Variants in KIT observed in about 807,000 individuals in gnomAD.
KIT encodes the protein mast/stem cell growth factor receptor Kit.
KIT carries 16 observed loss-of-function variants against 105.7 expected under a neutral mutation model. The observed-to-expected ratio is 0.15, with a 90% CI of 0.10 to 0.23. The LOEUF (loss-of-function observed/expected upper bound fraction) is 0.23. KIT is among the 10% of genes least tolerant of loss of function. The pLI, the probability that KIT is intolerant of heterozygous loss-of-function variation, is 1.00. For synonymous variants in KIT, 438 were observed against 441.1 expected (o/e 0.99, Z 0.09); for missense variants, 858 against 1,213.8 (o/e 0.71, Z 4.36).
intron 1 of KIT, among the ~76,000 whole-genome samples, chr4:54,659,527 A>G (rs1717086315): frequency 6.6e-6 from 1 of 152,062 alleles, no homozygotes; most frequent in African/African-American, 2.4e-5. Context: ...TTTCTCTATA[A>G]AGTCTCCAGG....
chr4:54,739,350 A>ACT lies in KIT; in HGVS notation c.*793_*794insCT, dbSNP rs1723117890. 4.3e-6 allele frequency: 1 copy of ACT among 234,650 alleles called. No individual in the cohort carries two copies. The allele number at this position is 234,650 out of a possible 1,614,324, so 14.5% of individuals were successfully genotyped here. A position where few individuals can be genotyped will look rare whatever the true frequency, so the allele number is the denominator to read the frequency against. ...ATAGAAGTAGATTAAGAGCCATATA[A>ACT]GTTTGAAGGAAACAGTTAATACCAT... is the stretch of plus-strand genomic sequence containing the variant. On this transcript the variant is annotated 3_prime_UTR_variant, in exon 21 of 21. Coordinates refer to ENST00000288135, the MANE Select transcript of KIT (RefSeq NM_000222.3).
rs562276524 is a variant in KIT at position 54,729,255 on chromosome 4, C to A, written c.1991-80C>A. Reference sequence around the variant, plus strand: ...GAAGCTGAATATTAATGGCCATGACCACCCTTGGGTATTTTTATGGGAGGC... The same window carrying A: ...GAAGCTGAATATTAATGGCCATGACAACCCTTGGGTATTTTTATGGGAGGC... On this transcript the variant is annotated intron_variant, in intron 13 of 20. Coordinates refer to ENST00000288135, the MANE Select transcript of KIT (RefSeq NM_000222.3). The A allele has an allele frequency of 9.4e-6, 14 of 1,482,982 alleles. No individual in the cohort carries two copies. In the South Asian group the frequency reaches 1.4e-4, roughly 14 times the overall value. The allele number at this position is 1,482,982 out of a possible 1,614,324, so 91.9% of individuals were successfully genotyped here. A position where few individuals can be genotyped will look rare whatever the true frequency, so the allele number is the denominator to read the frequency against.
intron 9 of KIT, 80 bp from the exon 10 acceptor site, chr4:54,727,138 G>C (rs746466773): frequency 4.9e-5 from 57 of 1,159,230 alleles, no homozygotes; most frequent in Non-Finnish European, 7.3e-5. Context: ...TGGGAGGTGG[G>C]GTCAGTTTGG....
At chr4:54,683,362 C>G (rs947492395) in intron 1 of KIT, among the ~76,000 whole-genome samples, 1 of 152,048 alleles carries the variant, frequency 6.6e-6, no homozygotes, top group African/African-American at 2.4e-5. Flanking sequence ...TATGGCCGGG[C>G]GCGGTGGCTC....
At chr4:54,678,470 A>G (rs1718677926) in intron 1 of KIT, among the ~76,000 whole-genome samples, 1 of 150,962 alleles carries the variant, frequency 6.6e-6, no homozygotes, top group African/African-American at 2.4e-5. Context: ...TTATAGTAGT[A>G]GTAACAACAG....
chr4:54,694,055 C>T (rs1560392054), intron 1 of KIT, among the ~76,000 whole-genome samples: 2 of 152,192 alleles, frequency 1.3e-5, no homozygotes, highest in Admixed American at 1.3e-4. Context: ...ATTGAATCTA[C>T]AGGGTCCCTG....
intron 7 of KIT, among the ~76,000 whole-genome samples, chr4:54,716,896 G>T (rs1721539921): frequency 6.6e-6 from 1 of 152,188 alleles, no homozygotes. Context: ...TTTCAGGACA[G>T]TTCTAAATTA....
At chr4:54,666,031 A>T (rs900088850) in intron 1 of KIT, among the ~76,000 whole-genome samples, 2 of 152,144 alleles carry the variant, frequency 1.3e-5, no homozygotes, top group African/African-American at 2.4e-5. Flanking sequence ...TGTTTTTCTC[A>T]GAATAAAATG....
chr4:54,727,714 T>A, intron 11 of KIT, 109 bp from the exon 12 acceptor site: 2 of 1,279,010 alleles, frequency 1.6e-6, no homozygotes, highest in Non-Finnish European at 2.3e-6. Flanking sequence ...AAAATGTCTC[T>A]GGACAACATT....
At chr4:54,733,783 A>G (rs1039116969) in intron 17 of KIT, among the ~76,000 whole-genome samples, 2 of 152,204 alleles carry the variant, frequency 1.3e-5, no homozygotes, top group African/African-American at 4.8e-5. Flanking sequence ...TGGAGAAACT[A>G]AGGCATGGCA....
chr4:54,703,663 A>G, intron 4 of KIT, 61 bp from the exon 5 acceptor site: 1 of 1,378,548 alleles, frequency 7.3e-7, no homozygotes, highest in African/African-American at 1.4e-5. Context: ...TCTAGGAAAG[A>G]TTCTGAATAT....
chr4:54,704,200 G>T (rs996248066), intron 5 of KIT, among the ~76,000 whole-genome samples: 2 of 152,190 alleles, frequency 1.3e-5, no homozygotes, highest in African/African-American at 4.8e-5. Context: ...AGTGCTCGCT[G>T]AATGACTTGA....
chr4:54,668,511 C>T (rs544954106), intron 1 of KIT, among the ~76,000 whole-genome samples: 1 of 152,218 alleles, frequency 6.6e-6, no homozygotes, highest in African/African-American at 2.4e-5. Context: ...CCGGGACTCC[C>T]AGTAATTTAA....
intron 7 of KIT, among the ~76,000 whole-genome samples, chr4:54,716,661 CTGA>C (rs2109739761): frequency 6.6e-6 from 1 of 152,218 alleles, no homozygotes; most frequent in Non-Finnish European, 1.5e-5. Context: ...TAGCCCATGC[CTGA>C]TGCAATTTTG....
chr4:54,704,189 T>A (rs543175969), intron 5 of KIT, among the ~76,000 whole-genome samples: 11 of 152,340 alleles, frequency 7.2e-5, no homozygotes, highest in Admixed American at 5.2e-4. Flanking sequence ...TCAAAAATGC[T>A]AGTGCTCGCT....
rs1041817625 is a variant in KIT, at chr4:54,695,976, C to T, written c.337+195C>T. On this transcript the variant is annotated intron_variant, in intron 2 of 20. Transcript: ENST00000288135. ...ATAGTGGCTTTGGGTATGGCCCCAG[C>T]TGGAGGACTGCAGGACTGTGATACT... 5.0e-5 allele frequency: 32 copies of T among 640,768 alleles called. No individual in the cohort carries two copies. The African/African-American group carries it at 5.7e-4, about 11-fold the overall frequency. 39.7% of individuals were successfully genotyped at this position (640,768 alleles called of 1,614,324 possible).
chr4:54,693,769 G>A (rs902715015), intron 1 of KIT, among the ~76,000 whole-genome samples: 28 of 152,146 alleles, frequency 1.8e-4, no homozygotes, highest in African/African-American at 6.5e-4. Flanking sequence ...GGGCCCCAGG[G>A]AATCTTGTTA....
At chr4:54,683,132 A>C (rs1470660520) in intron 1 of KIT, among the ~76,000 whole-genome samples, 1 of 152,218 alleles carries the variant, frequency 6.6e-6, no homozygotes, top group Non-Finnish European at 1.5e-5. Flanking sequence ...AATTGGGGTT[A>C]TCCCATCACC....
chr4:54,702,737 G>C (rs1042267302), intron 4 of KIT, among the ~76,000 whole-genome samples: 6 of 152,114 alleles, frequency 3.9e-5, no homozygotes, highest in African/African-American at 1.2e-4. Flanking sequence ...ATTTGCTGCA[G>C]TTGATCAGAG....
Sources: gnomAD v4.1 joint callset for allele counts (sites outside exome capture counted in the v4.1 genomes callset) on GRCh38, gnomAD v4.1.1 for gene constraint, MANE v1.5 for transcripts, NCBI Gene and HGNC (gene_info 2026-07-23, HGNC 2026-07-21) for gene names.